Variants in DOCK4 observed in about 807,000 individuals in gnomAD.
DOCK4 encodes the protein dedicator of cytokinesis protein 4.
DOCK4 carries 97 observed loss-of-function variants against 268.1 expected under a neutral mutation model. That is an observed-to-expected ratio of 0.36 (90% CI 0.31 to 0.43). The LOEUF is 0.43. DOCK4 is among the 20% of genes least tolerant of loss of function. The pLI is 1.00. For synonymous variants in DOCK4, 954 were observed against 887.2 expected (o/e 1.08, Z -1.34); for missense variants, 2,145 against 2,455.7 (o/e 0.87, Z 2.67).
chr7:112,103,185 C>A (rs1442217941), intron 1 of DOCK4, among the ~76,000 whole-genome samples: 1 of 152,058 alleles, frequency 6.6e-6, no homozygotes, highest in African/African-American at 2.4e-5. Context: ...TTATCATTTT[C>A]TCATCAAGTT....
intron 1 of DOCK4, among the ~76,000 whole-genome samples, chr7:112,024,603 A>G (rs904644244): frequency 3.3e-5 from 5 of 152,174 alleles, no homozygotes; most frequent in Non-Finnish European, 2.9e-5. Context: ...ACCAAAGCCA[A>G]CCTAGTCAAA....
intron 32 of DOCK4, among the ~76,000 whole-genome samples, chr7:111,784,877 A>T (rs1157446816): frequency 6.6e-6 from 1 of 152,176 alleles, no homozygotes; most frequent in African/African-American, 2.4e-5. Flanking sequence ...CTAAAATCTT[A>T]TTTGTCTTTC....
At chr7:111,941,965 G>A (rs561355372) in intron 10 of DOCK4, among the ~76,000 whole-genome samples, 14 of 152,124 alleles carry the variant, frequency 9.2e-5, no homozygotes, top group Non-Finnish European at 1.8e-4. Flanking sequence ...CAAGTTTAAC[G>A]TTAAGCCACG....
At chr7:112,017,340 T>C (rs1189372654) in intron 1 of DOCK4, among the ~76,000 whole-genome samples, 1 of 152,230 alleles carries the variant, frequency 6.6e-6, no homozygotes, top group Non-Finnish European at 1.5e-5. Flanking sequence ...AGTTGGCTAG[T>C]TGGAATCAGT....
At chr7:111,885,664 T>C (rs1362245673) in intron 16 of DOCK4, among the ~76,000 whole-genome samples, 1 of 152,204 alleles carries the variant, frequency 6.6e-6, no homozygotes, top group East Asian at 1.9e-4. Context: ...TAGTGAAGGA[T>C]AGTTCTCTGC....
At position 111,776,967 on chromosome 7, in the gene DOCK4, C is replaced by T. The variant is rs776334487; in HGVS notation, c.3679+1309G>A. On this transcript the variant is annotated intron_variant, in intron 36 of 52. Coordinates refer to ENST00000428084, the MANE Select transcript of DOCK4 (RefSeq NM_001363540.2). The stretch of plus-strand genomic sequence containing the variant: ...GAGTAGCTGGGACTACAGACATGTG[C>T]CACCATGACGGGCTAATTTTTTGAA... Among the ~76,000 whole-genome samples, 150 of 152,110 alleles carry T rather than the reference C, an allele frequency of 9.9e-4. 1 individual carries two copies. Among genetic ancestry groups the T allele is most frequent in the Non-Finnish European group, 1.1e-3 (76 of 68,034 alleles).
intron 16 of DOCK4, among the ~76,000 whole-genome samples, chr7:111,889,875 A>G (rs1234450919): frequency 6.6e-6 from 1 of 152,194 alleles, no homozygotes; most frequent in African/African-American, 2.4e-5. Context: ...AAACCCCGCT[A>G]CAGGAAGCAG....
intron 35 of DOCK4, among the ~76,000 whole-genome samples, chr7:111,781,873 A>G (rs569133177): frequency 1.3e-5 from 2 of 152,324 alleles, no homozygotes; most frequent in South Asian, 4.2e-4. Flanking sequence ...GGGCAAAAGA[A>G]TTTCAAGGTG....
intron 2 of DOCK4, among the ~76,000 whole-genome samples, chr7:112,001,304 A>C (rs999904599): frequency 6.6e-6 from 1 of 152,168 alleles, no homozygotes; most frequent in South Asian, 2.1e-4. Context: ...ATAAGGTTTA[A>C]ACTGCATGCC....
chr7:111,836,382 T>A (rs888396334), intron 25 of DOCK4, among the ~76,000 whole-genome samples: 1 of 151,958 alleles, frequency 6.6e-6, no homozygotes, highest in African/African-American at 2.4e-5. Context: ...TAGTTTCCAA[T>A]AAATTTAACC....
At chr7:111,915,187 A>G (rs1172029052) in intron 13 of DOCK4, among the ~76,000 whole-genome samples, 1 of 152,228 alleles carries the variant, frequency 6.6e-6, no homozygotes, top group Non-Finnish European at 1.5e-5. Flanking sequence ...ATCAGCTTCA[A>G]TGAATCTGGC....
intron 1 of DOCK4, among the ~76,000 whole-genome samples, chr7:112,115,259 G>C (rs78859177): frequency 0.034 from 5,177 of 152,286 alleles, 285 homozygotes; most frequent in African/African-American, 0.12. Context: ...CTTCCCTTTA[G>C]AGACTTTTAC....
intron 2 of DOCK4, 141 bp from the exon 3 acceptor site, chr7:112,000,675 T>C (rs1451345837): frequency 1.9e-6 from 1 of 521,610 alleles, no homozygotes. Context: ...GTATTGGCCT[T>C]AGGCTACAAA....
At chr7:112,008,917 C>T (rs895752775) in intron 1 of DOCK4, among the ~76,000 whole-genome samples, 1 of 152,118 alleles carries the variant, frequency 6.6e-6, no homozygotes, top group Admixed American at 6.5e-5. Flanking sequence ...CGCTTGAACC[C>T]GGGAGGCGGA....
At chr7:112,179,468 T>C (rs1818831552) in intron 1 of DOCK4, among the ~76,000 whole-genome samples, 1 of 151,252 alleles carries the variant, frequency 6.6e-6, no homozygotes, top group South Asian at 2.1e-4. Context: ...TGTTAACATA[T>C]CATTATTTGT....
chr7:112,156,230 C>A lies in DOCK4; in HGVS notation c.37+49872G>T, dbSNP rs151327939. Among the ~76,000 whole-genome samples, 438 of 152,322 alleles carry A rather than the reference C, an allele frequency of 2.9e-3. 2 individuals carry two copies. The highest frequency in any genetic ancestry group is 9.6e-3 in the African/African-American group (399 of 41,584). ...CCTCCCTCACACTGTGTCCAGCACA[C>A]AGACACTGTAAAAATTAGTTCTCTC... On this transcript the variant is annotated intron_variant, in intron 1 of 52. Transcript: ENST00000428084.
intron 12 of DOCK4, among the ~76,000 whole-genome samples, chr7:111,928,593 T>C (rs983113585): frequency 1.4e-5 from 2 of 148,024 alleles, no homozygotes; most frequent in Non-Finnish European, 3.0e-5. Context: ...TTTCTTTTTT[T>C]TTTTTTTTTT....
chr7:111,810,588 A>G (rs1472641199), intron 28 of DOCK4, among the ~76,000 whole-genome samples: 1 of 152,228 alleles, frequency 6.6e-6, no homozygotes, highest in Non-Finnish European at 1.5e-5. Flanking sequence ...TTTTCTCTTT[A>G]TCTGTCAGAA....
intron 1 of DOCK4, among the ~76,000 whole-genome samples, chr7:112,113,133 T>C (rs1428072388): frequency 3.3e-5 from 5 of 152,202 alleles, no homozygotes; most frequent in South Asian, 4.1e-4. Context: ...AAGGAGCCAT[T>C]ATTAGGAAAT....
Sources: gnomAD v4.1 joint callset for allele counts (sites outside exome capture counted in the v4.1 genomes callset) on GRCh38, gnomAD v4.1.1 for gene constraint, MANE v1.5 for transcripts, NCBI Gene and HGNC (gene_info 2026-07-23, HGNC 2026-07-21) for gene names.